P3H2: variants seen among roughly 807,000 people sequenced by gnomAD.
The protein encoded by P3H2 is leprecan-like 1.
P3H2 carries 80 observed loss-of-function variants against 87.0 expected under a neutral mutation model. The observed-to-expected ratio is 0.92, with a 90% confidence interval of 0.77 to 1.11. P3H2 has a LOEUF of 1.11. Ranked by LOEUF, P3H2 falls within the 50% of genes least tolerant of loss-of-function variation. P3H2 has a pLI of 0.00. For synonymous variants in P3H2, 367 were observed against 359.3 expected (o/e 1.02, Z -0.24); for missense variants, 1,001 against 923.9 (o/e 1.08, Z -1.08).
intron 1 of P3H2, among the ~76,000 whole-genome samples, chr3:190,010,582 A>T (rs1227556641): frequency 6.6e-6 from 1 of 152,196 alleles, no homozygotes. Context: ...AGACACAATA[A>T]GAGGGCAACA....
intron 1 of P3H2, among the ~76,000 whole-genome samples, chr3:190,113,359 A>T (rs1712147293): frequency 6.6e-6 from 1 of 152,170 alleles, no homozygotes; most frequent in African/African-American, 2.4e-5. Context: ...TTATAATTTT[A>T]ATAACTACCA....
Position 190,070,038 on chromosome 3 carries a change from A to T in P3H2, c.480+50214T>A, listed in dbSNP as rs1403594349. 5.3e-5 allele frequency among the ~76,000 whole-genome samples: 8 copies of T among 151,958 alleles called. No individual in the cohort carries two copies. The East Asian group carries it at 1.5e-3, about 29-fold the overall frequency. ...GGTTTACTTGTTTTAAGATGCATGC[A>T]TGAAGGCTGTGCTGATGGCAATCAC... On this transcript the variant is annotated intron_variant, in intron 1 of 14. Coordinates refer to ENST00000319332, the MANE Select transcript of P3H2 (RefSeq NM_018192.4).
intron 1 of P3H2, among the ~76,000 whole-genome samples, chr3:190,025,357 A>G (rs1577280391): frequency 6.6e-6 from 1 of 152,300 alleles, no homozygotes. Context: ...TAAATTCTTA[A>G]TATTTTAATC....
chr3:190,022,970 G>C (rs1724974447), intron 1 of P3H2, among the ~76,000 whole-genome samples: 2 of 152,162 alleles, frequency 1.3e-5, no homozygotes, highest in African/African-American at 4.8e-5. Context: ...GGGACTACAG[G>C]CACCCACCAC....
intron 1 of P3H2, among the ~76,000 whole-genome samples, chr3:190,112,136 T>A (rs1712092684): frequency 6.6e-6 from 1 of 152,246 alleles, no homozygotes; most frequent in East Asian, 1.9e-4. Flanking sequence ...CCTGTTCTAG[T>A]GTGGATCTTA....
chr3:190,077,785 C>T (rs1183152648), intron 1 of P3H2, among the ~76,000 whole-genome samples: 6 of 152,104 alleles, frequency 3.9e-5, no homozygotes, highest in Non-Finnish European at 7.4e-5. Context: ...GATGCAACTA[C>T]GCAAGCCTGT....
intron 1 of P3H2, among the ~76,000 whole-genome samples, chr3:190,119,254 C>CAG (rs1712435988): frequency 3.3e-5 from 5 of 151,408 alleles, no homozygotes; most frequent in Admixed American, 3.3e-4. Context: ...CAGAGCAGAG[C>CAG]AGCCTGGTCC....
chr3:190,076,614 AC>A (rs1368740843), intron 1 of P3H2, among the ~76,000 whole-genome samples: 1 of 152,224 alleles, frequency 6.6e-6, no homozygotes, highest in Non-Finnish European at 1.5e-5. Flanking sequence ...TGGTCCCAGA[AC>A]CAAATAAAGC....
chr3:189,980,495 G>A (rs1436080462), intron 8 of P3H2, among the ~76,000 whole-genome samples: 3 of 151,764 alleles, frequency 2.0e-5, no homozygotes, highest in African/African-American at 2.4e-5. Context: ...CCCAGGAGGC[G>A]GACGTTGCAG....
At chr3:190,046,476 T>TA (rs1725808968) in intron 1 of P3H2, among the ~76,000 whole-genome samples, 1 of 152,108 alleles carries the variant, frequency 6.6e-6, no homozygotes, top group African/African-American at 2.4e-5. Context: ...CCAAATGAAG[T>TA]AATGGTAGAT....
At chr3:190,091,917 G>C (rs1454268265) in intron 1 of P3H2, among the ~76,000 whole-genome samples, 2 of 152,188 alleles carry the variant, frequency 1.3e-5, no homozygotes, top group Non-Finnish European at 2.9e-5. Flanking sequence ...CATTAAATAA[G>C]TGGGGCCATG....
chr3:190,024,530 CAAAA>C (rs71635314), intron 1 of P3H2, among the ~76,000 whole-genome samples: 654 of 52,912 alleles, frequency 0.012, 2 homozygotes, highest in African/African-American at 0.039. Flanking sequence ...GGTTCCCTCT[CAAAA>C]AAAAAAAAAA....
At position 190,039,195 on chromosome 3, in the gene P3H2, A is replaced by AAT. The variant is rs1404345395; in HGVS notation, c.481-43754_481-43753insAT. 1.5e-4 allele frequency among the ~76,000 whole-genome samples: 22 copies of AAT among 151,116 alleles called. 1 individual carries two copies. The highest frequency in any genetic ancestry group is 6.9e-3 in the Middle Eastern group (2 of 290). On this transcript the variant is annotated intron_variant, in intron 1 of 14. Coordinates refer to ENST00000319332, the MANE Select transcript of P3H2 (RefSeq NM_018192.4). ...CAAAAGCGAAACTCCATCTCAAAAA[A>AAT]AAAAATAAAAAAGAATTGAGCACTG... is the stretch of plus-strand genomic sequence containing the variant.
At position 190,030,440 on chromosome 3, in the gene P3H2, C is replaced by T. The variant is rs374957872; in HGVS notation, c.481-34998G>A. On this transcript the variant is annotated intron_variant, in intron 1 of 14. Transcript: ENST00000319332. ...CAAAAATTAGCTGGGCGTGATGGCA[C>T]GCAACCCTGGAGGCTGAGGTGGGAG... is the stretch of plus-strand genomic sequence containing the variant. Among the ~76,000 whole-genome samples the T allele has an allele frequency of 6.6e-5, 10 of 152,194 alleles. No individual in the cohort carries two copies. The East Asian group carries it at 1.7e-3, about 27-fold the overall frequency.
chr3:190,024,010 A>C (rs982284103), intron 1 of P3H2, among the ~76,000 whole-genome samples: 1 of 152,216 alleles, frequency 6.6e-6, no homozygotes, highest in Non-Finnish European at 1.5e-5. Flanking sequence ...TCTGTAAAAT[A>C]TAAACATATG....
chr3:190,050,206 C>T (rs28625047), intron 1 of P3H2, among the ~76,000 whole-genome samples: 5 of 152,166 alleles, frequency 3.3e-5, no homozygotes, highest in African/African-American at 7.2e-5. Context: ...TTCTTTCTTA[C>T]GCTGAACCAT....
rs533244425 is a variant in P3H2, at chr3:190,041,507, T to C, written c.481-46065A>G. On this transcript the variant is annotated intron_variant, in intron 1 of 14. Coordinates refer to ENST00000319332, the MANE Select transcript of P3H2 (RefSeq NM_018192.4). ...GGCTCTGCTTACTGCAATTACAGAA[T>C]GCAAACTAGTACTTCAGTCAGAGCC... Among the ~76,000 whole-genome samples, 36 of 152,234 alleles carry C rather than the reference T, an allele frequency of 2.4e-4. No homozygotes were observed. In the East Asian group the frequency reaches 6.8e-3, roughly 29 times the overall value.
At chr3:190,051,152 C>T (rs1032909763) in intron 1 of P3H2, among the ~76,000 whole-genome samples, 1 of 152,076 alleles carries the variant, frequency 6.6e-6, no homozygotes, top group Non-Finnish European at 1.5e-5. Flanking sequence ...CAGGACAATG[C>T]TAATGCCATT....
rs1014313693 is a variant in P3H2, at chr3:190,043,421, A to T, written c.481-47979T>A. On this transcript the variant is annotated intron_variant, in intron 1 of 14. Transcript: ENST00000319332. ...GCTGACTTCCTATGGGTAATTCGCA[A>T]CTCTCAGCTTCTTCTTATTCTCTTT... Among the ~76,000 whole-genome samples, 3 of 151,918 alleles carry T rather than the reference A, an allele frequency of 2.0e-5. No individual in the cohort carries two copies. In the East Asian group the frequency reaches 5.8e-4, roughly 29 times the overall value.
Sources: allele counts gnomAD v4.1 joint callset (sites outside exome capture counted in the v4.1 genomes callset), GRCh38; gene constraint gnomAD v4.1.1; transcripts MANE v1.5; gene names NCBI Gene and HGNC (gene_info 2026-07-23, HGNC 2026-07-21).